ATF2: variants seen among roughly 807,000 people sequenced by gnomAD.
ATF2 encodes cyclic AMP-dependent transcription factor ATF-2.
Under a neutral mutation model 60.6 loss-of-function variants are expected in ATF2, and 24 were observed. The observed-to-expected ratio is 0.40, with a 90% CI of 0.29 to 0.56. The LOEUF (loss-of-function observed/expected upper bound fraction) is 0.56. ATF2 is among the 20% of genes least tolerant of loss of function. The pLI, the probability that ATF2 is intolerant of heterozygous loss-of-function variation, is 0.54. For missense variants in ATF2, 433 were observed against 607.7 expected, an observed-to-expected ratio of 0.71 and a Z score of 3.02; for synonymous variants, 206 against 215.4, an observed-to-expected ratio of 0.96 and a Z score of 0.38.
chr2:175,094,386 T>A (rs1394470396), intron 11 of ATF2, among the ~76,000 whole-genome samples: 1 of 105,762 alleles, frequency 9.5e-6, no homozygotes, highest in Admixed American at 1.5e-4. Context: ...ACAGCGAGAC[T>A]CAGTCTCAAA....
At chr2:175,103,056 TA>T (rs1247714872) in intron 10 of ATF2, among the ~76,000 whole-genome samples, 50 of 152,358 alleles carry the variant, frequency 3.3e-4, no homozygotes, top group South Asian at 2.9e-3. Flanking sequence ...GGTGATCTCC[TA>T]GAAATAATTG....
intron 10 of ATF2, among the ~76,000 whole-genome samples, chr2:175,107,874 A>AGGTGCTCAGGCTGG (rs1331812253): frequency 1.3e-5 from 2 of 152,166 alleles, no homozygotes; most frequent in African/African-American, 4.8e-5. Context: ...CAGTGCTCAA[A>AGGTGCTCAGGCTGG]GGTGCTCAGG....
chr2:175,160,685 T>C (rs1188891323), intron 1 of ATF2, among the ~76,000 whole-genome samples: 1 of 152,120 alleles, frequency 6.6e-6, no homozygotes, highest in African/African-American at 2.4e-5. Flanking sequence ...ATAATCTCAA[T>C]CCCACTATGG....
At chr2:175,135,054 C>T (rs1256208514) in intron 3 of ATF2, among the ~76,000 whole-genome samples, 2 of 145,486 alleles carry the variant, frequency 1.4e-5, no homozygotes, top group African/African-American at 2.5e-5. Flanking sequence ...CTAACACTTT[C>T]GAAACCCCAC....
chr2:175,074,760 G>C lies in ATF2; in HGVS notation c.1367C>G (p.Ser456Trp), dbSNP rs147478928. 1.9e-6 allele frequency: 3 copies of C among 1,613,414 alleles called. No homozygotes were observed. The highest frequency in any genetic ancestry group is 2.5e-6 in the Non-Finnish European group (3 of 1,179,720). Reference sequence around the variant, plus strand: ...ACTGACTCCATTGGATGTGCTGACCGAACTATGCTGTATAGCTTCTGTATG... The same window carrying C: ...ACTGACTCCATTGGATGTGCTGACCCAACTATGCTGTATAGCTTCTGTATG... Reference protein sequence around the residue: ...SPHTEAIQHSSVSTSNGVSST... With the variant: ...SPHTEAIQHSWVSTSNGVSST... The change falls in exon 14 of 14, where the codon TCG becomes TGG. Residue 456 changes from serine to tryptophan, a missense_variant. Physicochemically the swap from Ser to Trp is radical, Grantham distance 177. This residue lies in a region of ATF2 where 114 missense variants were observed against 104.0 expected (regional missense o/e 1.10). Transcript: ENST00000264110.
chr2:175,163,721 G>A (rs534964019), intron 1 of ATF2, among the ~76,000 whole-genome samples: 2 of 150,936 alleles, frequency 1.3e-5, no homozygotes, highest in Non-Finnish European at 3.0e-5. Flanking sequence ...AGGCAGGTTC[G>A]AGACCAGCCT....
chr2:175,097,533 C>G lies in ATF2; in HGVS notation c.889G>C (p.Gly297Arg). 1 of 1,614,140 alleles carries G rather than the reference C, an allele frequency of 6.2e-7. No homozygotes were observed. Among genetic ancestry groups the G allele is most frequent in the Non-Finnish European group, 8.5e-7 (1 of 1,180,012 alleles). Residue 297 changes from glycine (G) to arginine (R), a missense_variant, in exon 11 of 14, where the codon GGT (glycine) becomes CGT (arginine). Coordinates refer to ENST00000264110, the MANE Select transcript of ATF2 (RefSeq NM_001880.4). ...PPVTNGDTVKGHGSGLVRTQS... is the reference protein window; with the variant it reads ...PPVTNGDTVKRHGSGLVRTQS... Reference sequence around the variant, plus strand: ...GTCCTAACCAATCCGCTACCATGACCTTTGACAGTATCACCATTGGTAACT... The same window carrying G: ...GTCCTAACCAATCCGCTACCATGACGTTTGACAGTATCACCATTGGTAACT...
At chr2:175,112,424 G>A (rs529865808) in intron 9 of ATF2, among the ~76,000 whole-genome samples, 18 of 152,038 alleles carry the variant, frequency 1.2e-4, no homozygotes, top group African/African-American at 4.1e-4. Context: ...TTGAAATTAC[G>A]TCAATCAATG....
Position 175,097,465 on chromosome 2 carries a change from G to A in ATF2, c.957C>T (p.Ala319=), listed in dbSNP as rs748186508. Residue 319 remains alanine, a synonymous_variant, in exon 11 of 14, where the codon GCC becomes GCT. Transcript: ENST00000264110. ...ATACCGGAGTTTCTGTAGTGGATGTGGCTGGCTGTTGTAATGACTGCGGTC... is the reference window on the plus strand; with the variant it reads ...ATACCGGAGTTTCTGTAGTGGATGTAGCTGGCTGTTGTAATGACTGCGGTC... ...ESRPQSLQQP[A]TSTTETPASP... 8 of 1,613,948 alleles carry A rather than the reference G, an allele frequency of 5.0e-6. No homozygotes were observed. Among genetic ancestry groups the A allele is most frequent in the Non-Finnish European group, 5.9e-6 (7 of 1,179,978 alleles).
At chr2:175,107,827 C>T (rs1050206628) in intron 10 of ATF2, among the ~76,000 whole-genome samples, 1 of 152,202 alleles carries the variant, frequency 6.6e-6, no homozygotes, top group African/African-American at 2.4e-5. Context: ...CCTCGGCCCC[C>T]CGAGGTGCCA....
At chr2:175,154,231 A>AT (rs1699513992) in intron 1 of ATF2, among the ~76,000 whole-genome samples, 1 of 145,612 alleles carries the variant, frequency 6.9e-6, no homozygotes, top group African/African-American at 2.6e-5. Flanking sequence ...AAAAGAAAAA[A>AT]AAAATATATA....
At chr2:175,167,784 G>A in intron 1 of ATF2, 4 of 454,364 alleles carry the variant, frequency 8.8e-6, no homozygotes, top group South Asian at 1.6e-5. Context: ...AGGAAAGCGC[G>A]CGAGAGGGAG....
chr2:175,130,106 T>C, intron 4 of ATF2, 32 bp downstream of exon 4: 2 of 1,426,284 alleles, frequency 1.4e-6, no homozygotes, highest in Non-Finnish European at 9.6e-7. Flanking sequence ...AGTGGAAATA[T>C]ACAAAATAAT....
intron 3 of ATF2, among the ~76,000 whole-genome samples, chr2:175,131,063 G>A (rs1697695088): frequency 7.2e-5 from 11 of 152,146 alleles, no homozygotes; most frequent in Admixed American, 7.2e-4. Flanking sequence ...AAGCATGTAC[G>A]CAATGATCAC....
intron 2 of ATF2, among the ~76,000 whole-genome samples, chr2:175,150,035 TATG>T (rs1487216288): frequency 6.6e-6 from 1 of 152,200 alleles, no homozygotes; most frequent in Non-Finnish European, 1.5e-5. Flanking sequence ...GCTTATATTT[TATG>T]ATGACTGCTT....
chr2:175,150,829 T>A (rs969429047), intron 2 of ATF2, among the ~76,000 whole-genome samples: 1 of 152,142 alleles, frequency 6.6e-6, no homozygotes, highest in Non-Finnish European at 1.5e-5. Flanking sequence ...AATTAAATAT[T>A]TAACCTAAGT....
In ATF2 at chr2:175,130,154, G is replaced by A. The variant is rs1299485584; in HGVS notation, c.86C>T (p.Ala29Val). Residue 29 changes from alanine (A) to valine (V), a missense_variant, in exon 4 of 14, where the codon GCG (alanine) becomes GTG (valine). Physicochemically the swap from Ala to Val is moderately conservative, Grantham distance 64. Around this residue, in one of 5 missense-constraint regions of ATF2, gnomAD observed 29 missense variants for 102.1 expected, o/e 0.28. Transcript: ENST00000264110. Reference protein sequence around the residue: ...MSDDKPFLCTAPGCGQRFTNE... With the variant: ...MSDDKPFLCTVPGCGQRFTNE... ...ATATATTACCTGGCCACATCCAGGC[G>A]CAGTACATAGAAAGGGTTTGTCATC... 6 of 1,592,674 alleles carry A rather than the reference G, an allele frequency of 3.8e-6. No individual in the cohort carries two copies. The highest frequency in any genetic ancestry group is 1.9e-4 in the Middle Eastern group (1 of 5,368).
At chr2:175,123,882 T>C (rs1332595934) in intron 4 of ATF2, among the ~76,000 whole-genome samples, 1 of 152,016 alleles carries the variant, frequency 6.6e-6, no homozygotes, top group African/African-American at 2.4e-5. Context: ...CACTGGCACT[T>C]GATACAGGTG....
chr2:175,114,157 C>T (rs779772893), intron 8 of ATF2, 49 bp from the exon 9 acceptor site: 3 of 1,522,376 alleles, frequency 2.0e-6, no homozygotes, highest in Non-Finnish European at 1.8e-6. Flanking sequence ...TTCATACCAA[C>T]TGTCTCTTAA....
Sources: allele counts gnomAD v4.1 joint callset (sites outside exome capture counted in the v4.1 genomes callset), GRCh38; gene constraint gnomAD v4.1.1; regional missense constraint gnomAD v4.1.1; transcripts MANE v1.5; gene names NCBI Gene and HGNC (gene_info 2026-07-23, HGNC 2026-07-21).